The following SANBR variants were observed in gnomAD, a reference collection of about 807,000 sequenced individuals.
SANBR encodes the protein SANT and BTB domain regulator of CSR.
Under a neutral mutation model 101.8 loss-of-function variants are expected in SANBR, and 77 were observed. The observed-to-expected ratio is 0.76, with a 90% CI of 0.63 to 0.91. The LOEUF (loss-of-function observed/expected upper bound fraction) is 0.91. SANBR is among the 40% of genes least tolerant of loss of function. The pLI, the probability that SANBR is intolerant of heterozygous loss-of-function variation, is 0.00. For synonymous variants in SANBR, 279 were observed against 274.7 expected (o/e 1.02, Z -0.15); for missense variants, 875 against 853.0 (o/e 1.03, Z -0.32).
chr2:61,102,412 A>C (rs1047937609), intron 12 of SANBR, among the ~76,000 whole-genome samples: 2 of 150,600 alleles, frequency 1.3e-5, no homozygotes, highest in Admixed American at 1.3e-4. Flanking sequence ...GACAACCGGC[A>C]CTTCAGACAA....
In SANBR at chr2:61,123,504, A is replaced by G; in HGVS notation, c.*1342A>G. 2 of 973,470 alleles carry G rather than the reference A, an allele frequency of 2.1e-6. No individual in the cohort carries two copies. The highest frequency in any genetic ancestry group is 2.4e-6 in the Non-Finnish European group (2 of 818,982). 60.3% of individuals were successfully genotyped at this position (973,470 alleles called of 1,614,324 possible). A position where few individuals can be genotyped will look rare whatever the true frequency, so the allele number is the denominator to read the frequency against. ...CATTTATATTTGTTTCAATTGTTTGATACTGTGGAAATAGACTTTTATTTT... is the reference window on the plus strand; with the variant it reads ...CATTTATATTTGTTTCAATTGTTTGGTACTGTGGAAATAGACTTTTATTTT... On this transcript the variant is annotated 3_prime_UTR_variant, in exon 22 of 22. Coordinates refer to ENST00000402291, the MANE Select transcript of SANBR (RefSeq NM_001129993.3).
chr2:61,076,141 A>G (rs1022855107), intron 5 of SANBR, among the ~76,000 whole-genome samples: 1 of 149,556 alleles, frequency 6.7e-6, no homozygotes, highest in South Asian at 2.1e-4. Flanking sequence ...CTGCAGGTGC[A>G]TGCCACCATG....
At chr2:61,104,688 T>C (rs996090303) in intron 13 of SANBR, among the ~76,000 whole-genome samples, 7 of 151,906 alleles carry the variant, frequency 4.6e-5, no homozygotes, top group African/African-American at 1.7e-4. Context: ...AGTATGAACT[T>C]CTCAAATTCA....
At chr2:61,106,464 TA>T in intron 13 of SANBR, 98 bp from the exon 14 acceptor site, 1 of 740,332 alleles carries the variant, frequency 1.4e-6, no homozygotes, top group Non-Finnish European at 2.3e-6. Context: ...ACTGTATTTC[TA>T]AAAAGCGATT....
intron 8 of SANBR, among the ~76,000 whole-genome samples, chr2:61,087,077 C>T (rs1483339467): frequency 2.6e-5 from 4 of 152,152 alleles, no homozygotes; most frequent in Middle Eastern, 3.4e-3. Flanking sequence ...ATATCTAGTA[C>T]TCTTTAAAAA....
intron 4 of SANBR, among the ~76,000 whole-genome samples, chr2:61,072,219 G>A (rs752968305): frequency 3.3e-5 from 5 of 152,106 alleles, no homozygotes; most frequent in Non-Finnish European, 5.9e-5. Flanking sequence ...GATTACAGAC[G>A]TGAGCTACTG....
At chr2:61,070,163 T>G (rs1478769393) in intron 2 of SANBR, among the ~76,000 whole-genome samples, 179 bp from the exon 3 acceptor site, 1 of 152,238 alleles carries the variant, frequency 6.6e-6, no homozygotes, top group African/African-American at 2.4e-5. Flanking sequence ...CAATGCATAA[T>G]ATTCAAATCC....
intron 17 of SANBR, among the ~76,000 whole-genome samples, chr2:61,116,429 A>T (rs1684083226): frequency 6.6e-6 from 1 of 152,224 alleles, no homozygotes; most frequent in South Asian, 2.1e-4. Flanking sequence ...GAGTCTTTTC[A>T]TTATATGTGC....
At chr2:61,114,994 G>A (rs1684005916) in intron 16 of SANBR, among the ~76,000 whole-genome samples, 1 of 152,094 alleles carries the variant, frequency 6.6e-6, no homozygotes, top group Non-Finnish European at 1.5e-5. Flanking sequence ...TTTTGTTTCT[G>A]TTCATGAGAG....
rs1316560234 is a variant in SANBR at position 61,122,805 on chromosome 2, TTATC to T, written c.*647_*650del. 1 of 985,294 alleles carries T rather than the reference TTATC, an allele frequency of 1.0e-6. No individual in the cohort carries two copies. The highest frequency in any genetic ancestry group is 1.2e-6 in the Non-Finnish European group (1 of 829,806). 61.0% of individuals were successfully genotyped at this position (985,294 alleles called of 1,614,324 possible). On this transcript the variant is annotated 3_prime_UTR_variant, in exon 22 of 22. Coordinates refer to ENST00000402291, the MANE Select transcript of SANBR (RefSeq NM_001129993.3). The stretch of plus-strand genomic sequence containing the variant: ...TTTTTTTTCTTTCAGTTTTTAATGC[TTATC>T]TATTGATCATCTGAGCTGGAATTAC...
chr2:61,071,662 G>C lies in SANBR; in HGVS notation c.207G>C (p.Gln69His). The C allele has an allele frequency of 1.3e-6, 2 of 1,599,856 alleles. No individual in the cohort carries two copies. Among genetic ancestry groups the C allele is most frequent in the South Asian group, 2.3e-5 (2 of 88,048 alleles). Residue 69 changes from glutamine (Q) to histidine (H), a missense_variant, in exon 4 of 22, where the codon CAG becomes CAC. Gln to His is a conservative substitution (Grantham distance 24, BLOSUM62 0). Transcript: ENST00000402291. ...GTGGAAGCTCGCCTGTTGACAACCA[G>C]TATAATTCCCTAATGGCTGCTGGAG... ...KSSGSSPVDN[Q>H]YNSLMAAGES...
At chr2:61,111,088 A>C (rs1204780242) in intron 16 of SANBR, among the ~76,000 whole-genome samples, 1 of 152,084 alleles carries the variant, frequency 6.6e-6, no homozygotes. Context: ...ACAACCCTCC[A>C]ATGACATTGA....
chr2:61,081,532 AT>A, intron 7 of SANBR, 22 bp downstream of exon 7: 5 of 1,525,684 alleles, frequency 3.3e-6, no homozygotes, highest in South Asian at 2.6e-5. Context: ...CTTAAAAAAA[AT>A]CAAAGTGCTT....
chr2:61,077,839 C>T (rs1373007413), intron 6 of SANBR, among the ~76,000 whole-genome samples: 2 of 152,146 alleles, frequency 1.3e-5, no homozygotes, highest in African/African-American at 2.4e-5. Flanking sequence ...CTTGAGAGAA[C>T]AACTGACAGA....
At chr2:61,133,903 A>G (rs1033837516) in intron 20 of SANBR, among the ~76,000 whole-genome samples, 3 of 152,218 alleles carry the variant, frequency 2.0e-5, no homozygotes, top group African/African-American at 4.8e-5. Flanking sequence ...ACTTAAAACC[A>G]CTGGATTGTA....
chr2:61,083,113 C>T (rs1347513096), intron 7 of SANBR, 41 bp from the exon 8 acceptor site: 1 of 1,429,944 alleles, frequency 7.0e-7, no homozygotes, highest in African/African-American at 1.4e-5. Context: ...CATTGTCCTT[C>T]ATGCTACTAT....
chr2:61,106,586 A>G lies in SANBR; in HGVS notation c.1535A>G (p.Asp512Gly), dbSNP rs748928193. 1 of 1,602,126 alleles carries G rather than the reference A, an allele frequency of 6.2e-7. No individual in the cohort carries two copies. The highest frequency in any genetic ancestry group is 8.5e-7 in the Non-Finnish European group (1 of 1,176,466). Residue 512 changes from aspartate (D) to glycine (G), a missense_variant, in exon 14 of 22, where the codon GAT (aspartate) becomes GGT (glycine). Asp to Gly is a moderately conservative substitution (Grantham distance 94). Coordinates refer to ENST00000402291, the MANE Select transcript of SANBR (RefSeq NM_001129993.3). Reference protein sequence around the residue: ...TVSDVGVGLCDEKGIECDVLL... With the variant: ...TVSDVGVGLCGEKGIECDVLL... ...AGTGATGTTGGGGTTGGCCTCTGTG[A>G]TGAAAAGGGTATAGAATGTGATGTT...
rs114319174 is a variant in SANBR at position 61,099,266 on chromosome 2, C to T, written c.1365+1414C>T. 8.0e-3 allele frequency among the ~76,000 whole-genome samples: 1,220 copies of T among 152,298 alleles called. 18 individuals are homozygous for T. The highest frequency in any genetic ancestry group is 0.028 in the African/African-American group (1,147 of 41,548). ...TCATTTGCAGTGTGGAAAATGCACACTTGAGGGGTAGTCAGTGGAATCACG... is the reference window on the plus strand; with the variant it reads ...TCATTTGCAGTGTGGAAAATGCACATTTGAGGGGTAGTCAGTGGAATCACG... On this transcript the variant is annotated intron_variant, in intron 12 of 21. Coordinates refer to ENST00000402291, the MANE Select transcript of SANBR (RefSeq NM_001129993.3).
intron 6 of SANBR, among the ~76,000 whole-genome samples, chr2:61,081,202 A>G (rs892539118): frequency 6.6e-6 from 1 of 152,088 alleles, no homozygotes; most frequent in African/African-American, 2.4e-5. Context: ...TACATATGTG[A>G]TATCTTTAGC....
Sources: allele counts gnomAD v4.1 joint callset (sites outside exome capture counted in the v4.1 genomes callset), GRCh38; gene constraint gnomAD v4.1.1; transcripts MANE v1.5; gene names NCBI Gene and HGNC (gene_info 2026-07-23, HGNC 2026-07-21).